Variants in ZHX2 observed in about 807,000 individuals in gnomAD.
The protein encoded by ZHX2 is zinc fingers and homeoboxes 2.
In ZHX2, 6 loss-of-function variants were observed where a neutral mutation model predicts 21.9. The ratio of observed to expected loss-of-function variants is 0.27; its 90% CI spans 0.15 to 0.54. ZHX2 has a LOEUF of 0.54. Among genes scored for constraint, ZHX2 ranks in the 20% least tolerant of loss-of-function variants. The pLI is 0.95. For synonymous variants in ZHX2, 434 were observed against 437.1 expected (o/e 0.99, Z 0.09); for missense variants, 908 against 1,090.7 (o/e 0.83, Z 2.36).
chr8:122,848,876 G>A (rs954230210), intron 1 of ZHX2, among the ~76,000 whole-genome samples: 19 of 152,230 alleles, frequency 1.2e-4, no homozygotes, highest in African/African-American at 4.3e-4. Context: ...GGGTATCATG[G>A]AAAGAGGAGG....
chr8:122,955,887 CA>C (rs1397652088), intron 3 of ZHX2, among the ~76,000 whole-genome samples: 3 of 146,770 alleles, frequency 2.0e-5, no homozygotes, highest in African/African-American at 7.6e-5. Flanking sequence ...CTCTGTTGCC[CA>C]GGCTGGAATG....
chr8:122,872,166 T>G (rs1293298078), intron 2 of ZHX2, among the ~76,000 whole-genome samples: 1 of 152,036 alleles, frequency 6.6e-6, no homozygotes, highest in East Asian at 1.9e-4. Flanking sequence ...AGGTGACAGG[T>G]GAACCTATGG....
chr8:122,911,639 C>T (rs557305198), intron 2 of ZHX2, among the ~76,000 whole-genome samples: 200 of 152,110 alleles, frequency 1.3e-3, no homozygotes, highest in African/African-American at 3.9e-3. Flanking sequence ...ATGTGCTGAG[C>T]CCTGGGGACA....
At chr8:122,956,108 G>A (rs1393430064) in intron 3 of ZHX2, among the ~76,000 whole-genome samples, 3 of 152,078 alleles carry the variant, frequency 2.0e-5, no homozygotes, top group South Asian at 4.1e-4. Flanking sequence ...GCCTCCCAAA[G>A]TGCTGGGATT....
At chr8:122,930,411 T>C (rs563664394) in intron 2 of ZHX2, among the ~76,000 whole-genome samples, 1 of 152,334 alleles carries the variant, frequency 6.6e-6, no homozygotes, top group South Asian at 2.1e-4. Context: ...AGGTTCTTTC[T>C]GAAGTGTAAA....
chr8:122,951,209 G>A, intron 2 of ZHX2, 83 bp from the exon 3 acceptor site: 1 of 322,752 alleles, frequency 3.1e-6, no homozygotes, highest in Non-Finnish European at 5.7e-6. Context: ...TGTTGGGCTG[G>A]GTCATGGGAA....
chr8:122,879,556 T>C (rs758414001), intron 2 of ZHX2, among the ~76,000 whole-genome samples: 3 of 150,960 alleles, frequency 2.0e-5, no homozygotes, highest in Non-Finnish European at 2.9e-5. Flanking sequence ...ACTCAATACT[T>C]TGAGTTTATT....
Position 122,919,959 on chromosome 8 carries a change from C to G in ZHX2, c.-219-31333C>G, listed in dbSNP as rs138445485. Among the ~76,000 whole-genome samples, 6 of 152,290 alleles carry G rather than the reference C, an allele frequency of 3.9e-5. No individual in the cohort carries two copies. The East Asian group carries it at 1.2e-3, about 29-fold the overall frequency. Reference sequence around the variant, plus strand: ...CATTAACAGTATCTGCATATTCTTACAATTTGCATGTTTTTACAGAAATTT... The same window carrying G: ...CATTAACAGTATCTGCATATTCTTAGAATTTGCATGTTTTTACAGAAATTT... On this transcript the variant is annotated intron_variant, in intron 2 of 3. Transcript: ENST00000314393.
chr8:122,890,989 A>G (rs752454000), intron 2 of ZHX2, among the ~76,000 whole-genome samples: 26 of 152,034 alleles, frequency 1.7e-4, no homozygotes, highest in Non-Finnish European at 1.9e-4. Flanking sequence ...TTCACCAGGT[A>G]TATTGGCCTG....
chr8:122,905,777 G>C (rs999789638), intron 2 of ZHX2, among the ~76,000 whole-genome samples: 17 of 152,194 alleles, frequency 1.1e-4, no homozygotes, highest in Non-Finnish European at 2.4e-4. Context: ...TAGAATTCTT[G>C]TCCTTTGAAT....
At chr8:122,844,310 C>T (rs994023228) in intron 1 of ZHX2, among the ~76,000 whole-genome samples, 9 of 152,202 alleles carry the variant, frequency 5.9e-5, no homozygotes, top group African/African-American at 1.2e-4. Context: ...GCTGGCAGCT[C>T]GGAAGAATCA....
At chr8:122,801,581 T>G (rs1275738704) in intron 1 of ZHX2, among the ~76,000 whole-genome samples, 1 of 104,320 alleles carries the variant, frequency 9.6e-6, no homozygotes, top group East Asian at 2.4e-4. Context: ...AAATGCCATC[T>G]CTACAAAAAA....
chr8:122,954,054 G>A (rs2130300281), intron 3 of ZHX2, 26 bp downstream of exon 3: 1 of 1,546,220 alleles, frequency 6.5e-7, no homozygotes, highest in Admixed American at 1.9e-5. Flanking sequence ...CACCCAGGCA[G>A]CAGGGGAGAA....
chr8:122,950,324 C>T (rs7003451), intron 2 of ZHX2, among the ~76,000 whole-genome samples: 4,359 of 152,148 alleles, frequency 0.029, 212 homozygotes, highest in African/African-American at 0.099. Flanking sequence ...AACACAGGAA[C>T]AGAAAACCAA....
chr8:122,882,314 C>CAG (rs140529887), intron 2 of ZHX2, among the ~76,000 whole-genome samples: 5,819 of 148,212 alleles, frequency 0.039, 234 homozygotes, highest in African/African-American at 0.11. Flanking sequence ...CACACACACA[C>CAG]AGAGAGAGAG....
chr8:122,883,244 A>G, intron 2 of ZHX2, among the ~76,000 whole-genome samples: 1 of 151,944 alleles, frequency 6.6e-6, no homozygotes, highest in Non-Finnish European at 1.5e-5. Flanking sequence ...GCTGTTCCCT[A>G]TGTGTGCAAT....
intron 1 of ZHX2, among the ~76,000 whole-genome samples, chr8:122,789,070 C>A (rs921437478): frequency 6.6e-6 from 1 of 152,184 alleles, no homozygotes; most frequent in South Asian, 2.1e-4. Flanking sequence ...AAGTTGGAGC[C>A]GGAGGAGAAT....
At chr8:122,944,410 T>C (rs930001638) in intron 2 of ZHX2, among the ~76,000 whole-genome samples, 3 of 152,294 alleles carry the variant, frequency 2.0e-5, no homozygotes, top group African/African-American at 4.8e-5. Context: ...GGAAAGCCTT[T>C]ATCTACCCTC....
At chr8:122,966,479 A>C (rs1813588189) in intron 3 of ZHX2, among the ~76,000 whole-genome samples, 1 of 152,154 alleles carries the variant, frequency 6.6e-6, no homozygotes, top group Non-Finnish European at 1.5e-5. Flanking sequence ...TAAAGATGGG[A>C]TCCCAGTCAC....
Sources: allele counts gnomAD v4.1 joint callset (sites outside exome capture counted in the v4.1 genomes callset), GRCh38; gene constraint gnomAD v4.1.1; transcripts MANE v1.5; gene names NCBI Gene and HGNC (gene_info 2026-07-23, HGNC 2026-07-21).